Variants in PTPRD observed in about 807,000 individuals in gnomAD.
PTPRD encodes the protein receptor-type tyrosine-protein phosphatase delta.
Under a neutral mutation model 214.5 loss-of-function variants are expected in PTPRD, and 34 were observed. The observed-to-expected ratio is 0.16, with a 90% CI of 0.12 to 0.21. The LOEUF (loss-of-function observed/expected upper bound fraction) is 0.21, where lower values mean the gene tolerates loss of function less well. PTPRD is among the 10% of genes least tolerant of loss of function. The probability of loss-of-function intolerance (pLI) is 1.00; values close to 1 mark genes in which losing one functional copy is unlikely to be tolerated. For missense variants in PTPRD, 2,545 were observed against 2,398.7 expected (o/e 1.06, Z -1.27); for synonymous variants, 1,128 against 845.7 (o/e 1.33, Z -5.79).
intron 2 of PTPRD, among the ~76,000 whole-genome samples, chr9:10,500,560 T>C (rs2043350803): frequency 6.6e-6 from 1 of 151,922 alleles, no homozygotes; most frequent in African/African-American, 2.4e-5. Flanking sequence ...AATCTAACTA[T>C]ACTCTTTTAG....
At chr9:8,911,459 AAG>A (rs1240020501) in intron 11 of PTPRD, among the ~76,000 whole-genome samples, 5 of 139,868 alleles carry the variant, frequency 3.6e-5, no homozygotes, top group African/African-American at 1.3e-4. Context: ...GAGAGAGACA[AAG>A]AGAGAATGAA....
At position 10,335,212 on chromosome 9, in the gene PTPRD, C is replaced by A. The variant is rs189980984; in HGVS notation, c.-545+5751G>T. 4.6e-5 allele frequency among the ~76,000 whole-genome samples: 7 copies of A among 151,840 alleles called. No individual in the cohort carries two copies. In the East Asian group the frequency reaches 1.4e-3, roughly 30 times the overall value. On this transcript the variant is annotated intron_variant, in intron 3 of 45. Transcript: ENST00000381196. ...TAATATAAAGCCACAGTACTCAAGA[C>A]TGTGTGGTACTGGCAAAATAACAGA...
At chr9:10,141,748 C>A (rs953092076) in intron 3 of PTPRD, among the ~76,000 whole-genome samples, 4 of 152,054 alleles carry the variant, frequency 2.6e-5, no homozygotes, top group Non-Finnish European at 4.4e-5. Flanking sequence ...TTGGAAAAAA[C>A]TACTTTAAAG....
intron 10 of PTPRD, among the ~76,000 whole-genome samples, chr9:9,111,139 C>G (rs909392329): frequency 2.0e-5 from 3 of 147,816 alleles, no homozygotes; most frequent in African/African-American, 7.5e-5. Context: ...CTATGGGGAA[C>G]CAGAAAGGAT....
At chr9:9,227,874 A>T (rs140672834) in intron 9 of PTPRD, among the ~76,000 whole-genome samples, 1,654 of 152,262 alleles carry the variant, frequency 0.011, 34 homozygotes, top group African/African-American at 0.038. Context: ...CTAATGAGGG[A>T]CCCAGAGCCA....
intron 3 of PTPRD, among the ~76,000 whole-genome samples, chr9:10,332,457 A>T (rs942573118): frequency 6.6e-6 from 1 of 151,788 alleles, no homozygotes; most frequent in Non-Finnish European, 1.5e-5. Flanking sequence ...CATACAACTG[A>T]GGTTCAGATT....
At chr9:10,005,272 T>C (rs1213997203) in intron 4 of PTPRD, among the ~76,000 whole-genome samples, 2 of 152,060 alleles carry the variant, frequency 1.3e-5, no homozygotes, top group Non-Finnish European at 2.9e-5. Context: ...TAAAACATGC[T>C]ACCACTCGAT....
At chr9:9,202,410 G>A (rs1024547568) in intron 9 of PTPRD, among the ~76,000 whole-genome samples, 2 of 152,154 alleles carry the variant, frequency 1.3e-5, no homozygotes, top group Admixed American at 1.3e-4. Flanking sequence ...AGACATTAAA[G>A]CTGTCCCTGA....
At chr9:8,950,908 C>T (rs1455810237) in intron 11 of PTPRD, among the ~76,000 whole-genome samples, 1 of 151,966 alleles carries the variant, frequency 6.6e-6, no homozygotes. Context: ...GGCAAATATA[C>T]TGTGCAAGGC....
intron 10 of PTPRD, among the ~76,000 whole-genome samples, chr9:9,159,428 CA>C (rs1211696873): frequency 4.0e-5 from 6 of 151,676 alleles, no homozygotes; most frequent in African/African-American, 1.2e-4. Flanking sequence ...ATGAACTATC[CA>C]AAAAAATTAT....
chr9:8,847,976 G>C (rs2097732503), intron 11 of PTPRD, among the ~76,000 whole-genome samples: 2 of 152,186 alleles, frequency 1.3e-5, no homozygotes, highest in South Asian at 4.2e-4. Flanking sequence ...TGGATCGATA[G>C]TTCTCTTTAT....
intron 11 of PTPRD, among the ~76,000 whole-genome samples, chr9:8,919,754 C>T (rs532103380): frequency 1.3e-5 from 2 of 151,642 alleles, no homozygotes; most frequent in Admixed American, 6.6e-5. Flanking sequence ...TGTATACATG[C>T]ATGCATGCAT....
At chr9:9,391,280 T>C (rs944088033) in intron 9 of PTPRD, among the ~76,000 whole-genome samples, 5 of 152,148 alleles carry the variant, frequency 3.3e-5, no homozygotes, top group Non-Finnish European at 5.9e-5. Flanking sequence ...CTAGAGGCTA[T>C]AAACTACTCT....
intron 4 of PTPRD, among the ~76,000 whole-genome samples, chr9:9,961,236 T>A (rs1195726075): frequency 6.6e-6 from 1 of 152,176 alleles, no homozygotes; most frequent in Non-Finnish European, 1.5e-5. Context: ...GATTACTATA[T>A]GTATCTTGCA....
chr9:8,668,585 G>A (rs748717801), intron 12 of PTPRD, among the ~76,000 whole-genome samples: 1 of 152,040 alleles, frequency 6.6e-6, no homozygotes, highest in African/African-American at 2.4e-5. Flanking sequence ...AAGACTAGAC[G>A]ATTTACTTGT....
At chr9:9,380,781 A>G (rs10435830) in intron 9 of PTPRD, among the ~76,000 whole-genome samples, 36,401 of 152,058 alleles carry the variant, frequency 0.24, 4,436 homozygotes, top group Middle Eastern at 0.37. Flanking sequence ...CAGGACTGTC[A>G]AAATCTCTAT....
chr9:10,355,849 T>C (rs962898734), intron 2 of PTPRD, among the ~76,000 whole-genome samples: 10 of 152,166 alleles, frequency 6.6e-5, no homozygotes, highest in Non-Finnish European at 1.3e-4. Context: ...GATATACTAC[T>C]CATTTTAACT....
chr9:10,081,138 C>T lies in PTPRD; in HGVS notation c.-544-47348G>A, dbSNP rs79129990. On this transcript the variant is annotated intron_variant, in intron 3 of 45. Transcript: ENST00000381196. Reference sequence around the variant, plus strand: ...TAAGGCATAAGGATAAATAAGCATGCTTCTAGATAATTCTTTGAAATAAAT... The same window carrying T: ...TAAGGCATAAGGATAAATAAGCATGTTTCTAGATAATTCTTTGAAATAAAT... 4.7e-3 allele frequency among the ~76,000 whole-genome samples: 715 copies of T among 152,016 alleles called. 2 individuals carry two copies. Among genetic ancestry groups the T allele is most frequent in the Non-Finnish European group, 7.2e-3 (491 of 67,966 alleles).
intron 39 of PTPRD, among the ~76,000 whole-genome samples, chr9:8,365,523 G>T (rs535681355): frequency 6.6e-6 from 1 of 152,098 alleles, no homozygotes; most frequent in Non-Finnish European, 1.5e-5. Context: ...CGAGCCTGGG[G>T]AGGGAAATTC....
Sources: allele counts gnomAD v4.1 joint callset (sites outside exome capture counted in the v4.1 genomes callset), GRCh38; gene constraint gnomAD v4.1.1; transcripts MANE v1.5; gene names NCBI Gene and HGNC (gene_info 2026-07-23, HGNC 2026-07-21).